The following CTBP2 variants were observed in gnomAD, a reference collection of about 807,000 sequenced individuals.
The protein encoded by CTBP2 is C-terminal-binding protein 2.
CTBP2 carries 30 observed loss-of-function variants against 80.3 expected under a neutral mutation model. The ratio of observed to expected loss-of-function variants is 0.37; its 90% CI spans 0.28 to 0.51. The LOEUF is 0.51. Ranked by LOEUF, CTBP2 falls within the 20% of genes least tolerant of loss-of-function variation. The pLI, the probability that CTBP2 is intolerant of heterozygous loss-of-function variation, is 0.93. For missense variants in CTBP2, 1,212 were observed against 1,375.3 expected (o/e 0.88, Z 1.88); for synonymous variants, 594 against 587.4 (o/e 1.01, Z -0.16).
At chr10:125,078,416 A>G (rs1253458322) in intron 2 of CTBP2, among the ~76,000 whole-genome samples, 1 of 152,122 alleles carries the variant, frequency 6.6e-6, no homozygotes. Flanking sequence ...ACAGCCTGCT[A>G]GAAACAAGGT....
At chr10:124,998,327 G>C (rs1397207201) in intron 3 of CTBP2, 157 bp from the exon 6 acceptor site, 2 of 743,232 alleles carry the variant, frequency 2.7e-6, no homozygotes, top group Non-Finnish European at 4.4e-6. Flanking sequence ...GTGGGCGGTA[G>C]GCCCTCTGGC....
At chr10:125,047,859 A>G (rs1453736872) in intron 2 of CTBP2, among the ~76,000 whole-genome samples, 1 of 152,254 alleles carries the variant, frequency 6.6e-6, no homozygotes, top group Non-Finnish European at 1.5e-5. Flanking sequence ...TTGTATTTAA[A>G]TATCAAATAA....
At chr10:125,033,986 C>A (rs1271514667) in intron 3 of CTBP2, among the ~76,000 whole-genome samples, 6 of 152,124 alleles carry the variant, frequency 3.9e-5, no homozygotes, top group African/African-American at 1.4e-4. Flanking sequence ...ACCCCCAAAC[C>A]CCAGCCACAG....
chr10:125,140,070 T>C (rs1381131350), intron 1 of CTBP2, among the ~76,000 whole-genome samples: 3 of 151,990 alleles, frequency 2.0e-5, no homozygotes, highest in Admixed American at 1.3e-4. Flanking sequence ...ACTAACCCCA[T>C]GTACCCAAGT....
intron 1 of CTBP2, among the ~76,000 whole-genome samples, chr10:125,140,012 C>G (rs11819658): frequency 6.6e-6 from 1 of 152,138 alleles, no homozygotes; most frequent in African/African-American, 2.4e-5. Context: ...TGAACTGTCC[C>G]TGAACCCTTA....
rs1952020519 is a variant in CTBP2 at position 124,985,843 on chromosome 10, C to G, written c.*3675G>C. 1 of 152,220 alleles carries G rather than the reference C, an allele frequency of 6.6e-6. No homozygotes were observed. The highest frequency in any genetic ancestry group is 2.1e-4 in the South Asian group (1 of 4,834). The allele number at this position is 152,220 out of a possible 1,614,324, so 9.4% of individuals were successfully genotyped here. On this transcript the variant is annotated 3_prime_UTR_variant, in exon 9 of 9. Coordinates refer to ENST00000309035, the MANE Select transcript of CTBP2 (RefSeq NM_022802.3). ...TGTGTGAAATGTGCTCACTTGGACT[C>G]CATCAACAATGTGCTGCTCCCAGAT...
chr10:124,995,710 T>G (rs762306100), intron 4 of CTBP2, among the ~76,000 whole-genome samples: 4 of 152,122 alleles, frequency 2.6e-5, no homozygotes, highest in African/African-American at 9.7e-5. Context: ...ACAACTAGTA[T>G]AGCAAGGCAC....
rs143580316 is a variant in CTBP2, at chr10:125,122,361, T to C, written c.-205-11268A>G. Among the ~76,000 whole-genome samples the C allele has an allele frequency of 1.2e-3, 180 of 152,366 alleles. 1 individual carries two copies. The East Asian group carries it at 0.027, about 23-fold the overall frequency. On this transcript the variant is annotated intron_variant, in intron 1 of 10. Transcript: ENST00000337195. ...CAAAATGCAGGGCAAGCGTGCTTTC[T>C]GAATGAACAACTCAACATTTTCACT... is the stretch of plus-strand genomic sequence containing the variant.
chr10:125,085,773 T>C (rs564834564), intron 2 of CTBP2, among the ~76,000 whole-genome samples: 29 of 152,334 alleles, frequency 1.9e-4, no homozygotes, highest in African/African-American at 6.7e-4. Flanking sequence ...ACTCAAATGA[T>C]CCCCTTGTTT....
chr10:125,109,948 GACAC>G (rs1001221673), intron 2 of CTBP2, among the ~76,000 whole-genome samples: 6 of 152,320 alleles, frequency 3.9e-5, no homozygotes, highest in African/African-American at 1.4e-4. Context: ...AAAAGGAAGG[GACAC>G]ACAGAGATCC....
intron 2 of CTBP2, among the ~76,000 whole-genome samples, chr10:125,077,824 C>T (rs74680209): frequency 0.084 from 12,754 of 152,166 alleles, 579 homozygotes; most frequent in Middle Eastern, 0.17. Flanking sequence ...TTAGTCCAAA[C>T]GGGGCCACCA....
chr10:125,122,613 T>G (rs1381764963), intron 1 of CTBP2: 1 of 152,236 alleles, frequency 6.6e-6, no homozygotes, highest in Non-Finnish European at 1.5e-5. Context: ...TTTCAGTCAA[T>G]GTACACTGTG....
At chr10:125,092,391 C>T (rs573819584) in intron 2 of CTBP2, among the ~76,000 whole-genome samples, 1 of 151,852 alleles carries the variant, frequency 6.6e-6, no homozygotes, top group Non-Finnish European at 1.5e-5. Flanking sequence ...GGTTTCACCA[C>T]GTTGGTCTCG....
At position 125,026,509 on chromosome 10, in the gene CTBP2, C is replaced by G. The variant is rs756105319; in HGVS notation, c.1251G>C (p.Thr417=). The G allele has an allele frequency of 6.3e-7, 1 of 1,597,274 alleles. No homozygotes were observed. The highest frequency in any genetic ancestry group is 8.5e-7 in the Non-Finnish European group (1 of 1,170,318). ...CGCCAGGGGCAGAATAGGTGGCTGC[C>G]GTCTCCAGGAGGTGCTGAGATGGTG... The change falls in exon 1 of 9, where the codon ACG becomes ACC. Residue 417 remains threonine (T), a synonymous_variant. Coordinates refer to ENST00000309035, the MANE Select transcript of CTBP2 (RefSeq NM_022802.3).
intron 1 of CTBP2, among the ~76,000 whole-genome samples, chr10:125,156,979 C>T (rs1219370045): frequency 6.6e-6 from 1 of 152,194 alleles, no homozygotes; most frequent in East Asian, 1.9e-4. Flanking sequence ...CACAACTTGG[C>T]AGGGACAGGA....
intron 2 of CTBP2, among the ~76,000 whole-genome samples, chr10:125,096,546 ACT>A (rs1849573113): frequency 2.0e-5 from 3 of 152,180 alleles, no homozygotes; most frequent in African/African-American, 7.2e-5. Flanking sequence ...CGAAACAGTT[ACT>A]GGACAGGAGA....
intron 1 of CTBP2, among the ~76,000 whole-genome samples, chr10:125,124,368 A>G (rs1854862031): frequency 1.3e-5 from 2 of 152,136 alleles, no homozygotes; most frequent in African/African-American, 4.8e-5. Context: ...CCAAAAGAAA[A>G]CTGCAGGAGC....
rs1160904588 is a variant in CTBP2, at chr10:125,002,865, C to T, written c.1978+95G>A. On this transcript the variant is annotated intron_variant, in intron 3 of 8. Coordinates refer to ENST00000309035, the MANE Select transcript of CTBP2 (RefSeq NM_022802.3). Reference sequence around the variant, plus strand: ...TTGCTACAGCCAGAAGCGGCTGCTCCGTGGTCCCAGTTCCAGCTGCTTCTC... The same window carrying T: ...TTGCTACAGCCAGAAGCGGCTGCTCTGTGGTCCCAGTTCCAGCTGCTTCTC... 6.7e-6 allele frequency: 10 copies of T among 1,491,898 alleles called. No individual in the cohort carries two copies. The Admixed American group carries it at 9.2e-5, about 14-fold the overall frequency. 92.4% of individuals were successfully genotyped at this position (1,491,898 alleles called of 1,614,324 possible). A position where few individuals can be genotyped will look rare whatever the true frequency, so the allele number is the denominator to read the frequency against.
At chr10:125,032,249 C>A (rs899621722), upstream of CTBP2, among the ~76,000 whole-genome samples, 4 of 152,178 alleles carry the variant, frequency 2.6e-5, no homozygotes, top group Non-Finnish European at 2.9e-5. Flanking sequence ...CGGCACAAGA[C>A]GCTCCGCACA....
Sources: allele counts gnomAD v4.1 joint callset (sites outside exome capture counted in the v4.1 genomes callset), GRCh38; gene constraint gnomAD v4.1.1; transcripts MANE v1.5; gene names NCBI Gene and HGNC (gene_info 2026-07-23, HGNC 2026-07-21).